LAMB4: variants seen among roughly 807,000 people sequenced by gnomAD.
The protein encoded by LAMB4 is laminin subunit beta 4, also known as laminin subunit beta-4.
LAMB4 carries 196 observed loss-of-function variants against 199.2 expected under a neutral mutation model. The observed-to-expected ratio is 0.98, with a 90% confidence interval of 0.88 to 1.11. The LOEUF (loss-of-function observed/expected upper bound fraction) is 1.11. Ranked by LOEUF, LAMB4 falls within the 50% of genes least tolerant of loss-of-function variation. The pLI is 0.00. For synonymous variants in LAMB4, 744 were observed against 770.6 expected (o/e 0.97, Z 0.57); for missense variants, 2,080 against 2,171.2 (o/e 0.96, Z 0.83).
rs1454050201 is a variant in LAMB4, at chr7:108,079,623, A to G, written c.1865T>C (p.Ile622Thr). 3 of 1,608,984 alleles carry G rather than the reference A, an allele frequency of 1.9e-6. No homozygotes were observed. The highest frequency in any genetic ancestry group is 2.2e-5 in the South Asian group (2 of 89,592). The part of the protein sequence containing the change: ...NNIPFPVDFT[I>T]AIHYETQSAA... Reference sequence around the variant, plus strand: ...TACCTGGGTTTCATAGTGAATGGCAATGGTGAAGTCCACAGGAAAGGGAAT... The same window carrying G: ...TACCTGGGTTTCATAGTGAATGGCAGTGGTGAAGTCCACAGGAAAGGGAAT... Residue 622 changes from isoleucine (I) to threonine (T), a missense_variant, in exon 15 of 34, where the codon ATT becomes ACT. Transcript: ENST00000388781.
intron 14 of LAMB4, among the ~76,000 whole-genome samples, chr7:108,083,969 A>G (rs2037061892): frequency 6.6e-6 from 1 of 152,234 alleles, no homozygotes; most frequent in African/African-American, 2.4e-5. Context: ...AGGAATTATC[A>G]TAACTATAGG....
At chr7:108,045,874 A>G (rs2035600969) in intron 28 of LAMB4, among the ~76,000 whole-genome samples, 1 of 152,160 alleles carries the variant, frequency 6.6e-6, no homozygotes. Context: ...ATATTTATGT[A>G]GGGATATGTT....
chr7:108,041,301 G>T (rs942933735), intron 29 of LAMB4, among the ~76,000 whole-genome samples: 1 of 152,150 alleles, frequency 6.6e-6, no homozygotes, highest in Admixed American at 6.6e-5. Flanking sequence ...GTTGGTGGGG[G>T]TGTAAATTAA....
intron 2 of LAMB4, among the ~76,000 whole-genome samples, chr7:108,121,247 A>T (rs1266091024): frequency 1.1e-4 from 17 of 152,242 alleles, no homozygotes; most frequent in Admixed American, 1.1e-3. Flanking sequence ...AGATCTGGTC[A>T]TTTAAGGAAA....
At chr7:108,017,856 G>A in the LAMB4 span, among the ~76,000 whole-genome samples, 1 of 152,272 alleles carries the variant, frequency 6.6e-6, no homozygotes, top group East Asian at 1.9e-4. Context: ...TCTTTCATTC[G>A]AATTAGCTCT....
chr7:108,122,482 T>G (rs147951185), intron 2 of LAMB4, among the ~76,000 whole-genome samples: 1 of 152,158 alleles, frequency 6.6e-6, no homozygotes, highest in African/African-American at 2.4e-5. Context: ...ACCTCAGGGT[T>G]GGAAAATTGT....
chr7:108,094,540 G>A (rs1243793044), intron 12 of LAMB4, among the ~76,000 whole-genome samples: 2 of 150,114 alleles, frequency 1.3e-5, no homozygotes, highest in African/African-American at 2.4e-5. Flanking sequence ...CAGACACATC[G>A]AGGTCACTGT....
rs577240377 is a variant in LAMB4, at chr7:108,072,723, T to C, written c.2125-2838A>G. On this transcript the variant is annotated intron_variant, in intron 17 of 33. Coordinates refer to ENST00000388781, the MANE Select transcript of LAMB4 (RefSeq NM_007356.3). ...GGATAGTACATGTCTTGTTTACACCTATGCCTACCACAGTGTCTAATTTAT... is the reference window on the plus strand; with the variant it reads ...GGATAGTACATGTCTTGTTTACACCCATGCCTACCACAGTGTCTAATTTAT... Among the ~76,000 whole-genome samples the C allele has an allele frequency of 3.3e-5, 5 of 152,288 alleles. 1 individual carries two copies. The highest frequency in any genetic ancestry group is 9.6e-5 in the African/African-American group (4 of 41,564).
chr7:108,065,062 T>G (rs1282320976), intron 21 of LAMB4, among the ~76,000 whole-genome samples: 1 of 151,936 alleles, frequency 6.6e-6, no homozygotes, highest in Non-Finnish European at 1.5e-5. Flanking sequence ...CAATCCATCA[T>G]GCCTAGCTAA....
At position 108,066,570 on chromosome 7, in the gene LAMB4, T is replaced by G; in HGVS notation, c.2477A>C (p.Asp826Ala). ...PCHCHPQGSKDTVCDQVTGQC... is the reference protein window; with the variant it reads ...PCHCHPQGSKATVCDQVTGQC... ...TCCTGTTACTTGGTCACATACAGTG[T>G]CCTTTGATCCTTGAGGATGGCAGTG... The change falls in exon 20 of 34, where the codon GAC becomes GCC. Residue 826 changes from aspartate to alanine, a missense_variant. Coordinates refer to ENST00000388781, the MANE Select transcript of LAMB4 (RefSeq NM_007356.3). The G allele has an allele frequency of 6.2e-7, 1 of 1,611,826 alleles. No homozygotes were observed.
At chr7:108,042,982 T>G (rs894459152) in intron 29 of LAMB4, among the ~76,000 whole-genome samples, 1 of 151,596 alleles carries the variant, frequency 6.6e-6, no homozygotes, top group Admixed American at 6.6e-5. Flanking sequence ...TGTGTGTATG[T>G]GTACAGAGAG....
At position 108,094,070 on chromosome 7, in the gene LAMB4, T is replaced by G. The variant is rs779360635; in HGVS notation, c.1470+1158A>C. On this transcript the variant is annotated intron_variant, in intron 12 of 33. Transcript: ENST00000388781. ...AGAGATGTGGATGTGGAGAACCTAGTGGGTGCATGGGCTCAGCCACGATGG... is the reference window on the plus strand; with the variant it reads ...AGAGATGTGGATGTGGAGAACCTAGGGGGTGCATGGGCTCAGCCACGATGG... 3.3e-5 allele frequency among the ~76,000 whole-genome samples: 5 copies of G among 152,252 alleles called. No homozygotes were observed. In the South Asian group the frequency reaches 1.0e-3, roughly 32 times the overall value.
At chr7:108,123,968 T>C (rs1224248051) in intron 1 of LAMB4, among the ~76,000 whole-genome samples, 1 of 152,120 alleles carries the variant, frequency 6.6e-6, no homozygotes, top group Non-Finnish European at 1.5e-5. Flanking sequence ...GGAGTACATA[T>C]ACACTTCAGT....
At chr7:108,062,355 A>C (rs2036193193) in intron 23 of LAMB4, 1 of 152,668 alleles carries the variant, frequency 6.6e-6, no homozygotes, top group Non-Finnish European at 1.5e-5. Context: ...GCAATTGGTG[A>C]GCAATAGGAA....
At chr7:108,092,232 C>A (rs2037435233) in intron 13 of LAMB4, 105 bp downstream of exon 13, 4 of 795,712 alleles carry the variant, frequency 5.0e-6, no homozygotes, top group Non-Finnish European at 8.4e-6. Context: ...AAGATCATTG[C>A]TTGTCATGGA....
At position 108,069,791 on chromosome 7, in the gene LAMB4, G is replaced by A. The variant is rs1382267584; in HGVS notation, c.2219C>T (p.Ser740Leu). ...CGGGAGCACTTGAGGTCCCATTGCT[G>A]AGGCAATTTCAACACAGTTGTGAAG... ...YQLHNCVEIA[S>L]AMGPQVLPGA... Residue 740 changes from serine to leucine, a missense_variant, in exon 18 of 34, where the codon TCA becomes TTA. Coordinates refer to ENST00000388781, the MANE Select transcript of LAMB4 (RefSeq NM_007356.3). The A allele has an allele frequency of 1.2e-6, 2 of 1,614,070 alleles. No individual in the cohort carries two copies. Among genetic ancestry groups the A allele is most frequent in the Middle Eastern group, 1.7e-4 (1 of 6,060 alleles).
intron 33 of LAMB4, among the ~76,000 whole-genome samples, chr7:108,027,981 G>T (rs918833284): frequency 1.9e-4 from 29 of 151,960 alleles, no homozygotes; most frequent in African/African-American, 6.5e-4. Flanking sequence ...ATAGAGTTTT[G>T]CCATATTGGC....
intron 28 of LAMB4, among the ~76,000 whole-genome samples, chr7:108,046,956 A>G (rs1206983412): frequency 6.6e-6 from 1 of 151,792 alleles, no homozygotes; most frequent in African/African-American, 2.4e-5. Context: ...AAGTAGAGAT[A>G]CGGCCTCCCT....
intron 10 of LAMB4, among the ~76,000 whole-genome samples, chr7:108,099,028 C>T (rs1444707843): frequency 1.3e-5 from 2 of 152,138 alleles, no homozygotes; most frequent in Non-Finnish European, 2.9e-5. Context: ...AAAAAAGACT[C>T]TAAAGGTGAA....
Sources: allele counts gnomAD v4.1 joint callset (sites outside exome capture counted in the v4.1 genomes callset), GRCh38; gene constraint gnomAD v4.1.1; transcripts MANE v1.5; gene names NCBI Gene and HGNC (gene_info 2026-07-23, HGNC 2026-07-21).